The following CELF2 variants were observed in gnomAD, a reference collection of about 807,000 sequenced individuals.
CELF2 encodes CUG triplet repeat RNA-binding protein 2.
Under a neutral mutation model 62.6 loss-of-function variants are expected in CELF2, and 8 were observed. The observed-to-expected ratio is 0.13, with a 90% CI of 0.07 to 0.23. The LOEUF is 0.23. Ranked by LOEUF, CELF2 falls within the 10% of genes least tolerant of loss-of-function variation. CELF2 has a pLI of 1.00. For missense variants in CELF2, 333 were observed against 671.0 expected (o/e 0.50, Z 5.56); for synonymous variants, 258 against 250.0 (o/e 1.03, Z -0.30).
At chr10:11,326,277 G>A (rs2095719257) in intron 12 of CELF2, among the ~76,000 whole-genome samples, 2 of 152,240 alleles carry the variant, frequency 1.3e-5, no homozygotes, top group South Asian at 2.1e-4. Flanking sequence ...TTCAGACACC[G>A]TGGTTGTGGG....
the CELF2 span, among the ~76,000 whole-genome samples, chr10:10,614,254 A>G: frequency 6.6e-6 from 1 of 151,974 alleles, no homozygotes; most frequent in East Asian, 1.9e-4. Context: ...CATTTTTATT[A>G]CGCTCTTACA....
chr10:11,215,346 G>A (rs2063049449), intron 2 of CELF2, among the ~76,000 whole-genome samples: 1 of 152,130 alleles, frequency 6.6e-6, no homozygotes, highest in Non-Finnish European at 1.5e-5. Flanking sequence ...GTTCCTTGTC[G>A]CTTTTATCTT....
the CELF2 span, among the ~76,000 whole-genome samples, chr10:10,763,579 A>G: frequency 1.3e-5 from 2 of 152,230 alleles, no homozygotes; most frequent in African/African-American, 4.8e-5. Context: ...AGAAAATGGA[A>G]GGTGAAACCA....
chr10:11,128,279 TG>T (rs1416301846), intron 1 of CELF2, among the ~76,000 whole-genome samples: 6 of 152,232 alleles, frequency 3.9e-5, no homozygotes, highest in Non-Finnish European at 7.3e-5. Context: ...TTTTGATTAC[TG>T]TAGCCTTGTA....
At chr10:10,667,708 G>A in the CELF2 span, among the ~76,000 whole-genome samples, 14 of 152,134 alleles carry the variant, frequency 9.2e-5, no homozygotes, top group Non-Finnish European at 2.9e-5. Context: ...ACAAATACCA[G>A]TCCCCAATCC....
At chr10:11,320,009 C>A in intron 10 of CELF2, 1 of 367,076 alleles carries the variant, frequency 2.7e-6, no homozygotes, top group Non-Finnish European at 5.5e-6. Flanking sequence ...GCCATCCTTG[C>A]TGTTTTCATA....
chr10:10,607,156 C>T, the CELF2 span, among the ~76,000 whole-genome samples: 1 of 152,292 alleles, frequency 6.6e-6, no homozygotes, highest in South Asian at 2.1e-4. Flanking sequence ...CTCAGTAATA[C>T]TCCTAACACT....
chr10:10,550,685 TTC>T, the CELF2 span, among the ~76,000 whole-genome samples: 5 of 151,970 alleles, frequency 3.3e-5, no homozygotes, highest in African/African-American at 1.2e-4. Flanking sequence ...GGATCCTGGA[TTC>T]TGTCATGTGA....
the CELF2 span, among the ~76,000 whole-genome samples, chr10:10,485,846 G>A: frequency 1.3e-5 from 2 of 152,230 alleles, no homozygotes; most frequent in South Asian, 2.1e-4. Context: ...AGGATAAATC[G>A]AAAGCTTACT....
chr10:10,778,906 T>C, the CELF2 span, among the ~76,000 whole-genome samples: 3 of 152,276 alleles, frequency 2.0e-5, no homozygotes, highest in Admixed American at 6.5e-5. Context: ...CATTTGAACT[T>C]AGATGTGGAG....
the CELF2 span, among the ~76,000 whole-genome samples, chr10:10,495,401 C>A: frequency 6.6e-6 from 1 of 152,184 alleles, no homozygotes; most frequent in Non-Finnish European, 1.5e-5. Context: ...TGTATGTGGA[C>A]AGAAGAATGG....
chr10:11,320,684 A>ACCATTTCC, intron 10 of CELF2, among the ~76,000 whole-genome samples: 1 of 152,138 alleles, frequency 6.6e-6, no homozygotes, highest in East Asian at 1.9e-4. Context: ...TGTCCTCTCC[A>ACCATTTCC]CCATTTCCTC....
chr10:10,728,554 G>T, the CELF2 span, among the ~76,000 whole-genome samples: 1 of 152,074 alleles, frequency 6.6e-6, no homozygotes, highest in Non-Finnish European at 1.5e-5. Context: ...TGTGCCAGCT[G>T]CTCTGGAGGT....
At chr10:10,738,679 C>A in the CELF2 span, among the ~76,000 whole-genome samples, 2 of 152,124 alleles carry the variant, frequency 1.3e-5, no homozygotes, top group Non-Finnish European at 2.9e-5. Flanking sequence ...CAATAGAGGG[C>A]CATCCTACAA....
chr10:10,843,258 TG>T (rs1435576819), intron 1 of CELF2, among the ~76,000 whole-genome samples: 1 of 152,018 alleles, frequency 6.6e-6, no homozygotes, highest in Non-Finnish European at 1.5e-5. Context: ...ACTGGCTTTT[TG>T]TTTTATTGAT....
chr10:11,264,063 A>G (rs146780487), intron 5 of CELF2, among the ~76,000 whole-genome samples: 1 of 152,348 alleles, frequency 6.6e-6, no homozygotes, highest in East Asian at 1.9e-4. Context: ...ACCACTGCCA[A>G]TAGAATTAAA....
the CELF2 span, among the ~76,000 whole-genome samples, chr10:10,695,420 C>G: frequency 1.3e-5 from 2 of 149,514 alleles, no homozygotes; most frequent in Non-Finnish European, 3.0e-5. Context: ...CCCGACCTTT[C>G]TCTCTGGCTG....
At chr10:11,003,505 T>TTTAA (rs1481334986), upstream of CELF2, among the ~76,000 whole-genome samples, 1 of 152,218 alleles carries the variant, frequency 6.6e-6, no homozygotes, top group Non-Finnish European at 1.5e-5. This position sits in a 1 kb window ranked among gnomAD's most constrained non-coding sequence, Gnocchi z 4.4. Context: ...TTATCCCATT[T>TTTAA]TTAATAATAT....
intron 9 of CELF2, among the ~76,000 whole-genome samples, chr10:11,301,073 C>T (rs1439994189): frequency 2.0e-5 from 3 of 152,240 alleles, no homozygotes; most frequent in South Asian, 2.1e-4. Context: ...ACAGACTTAA[C>T]GCTAGACATG....
Sources: gnomAD v4.1 joint callset for allele counts (sites outside exome capture counted in the v4.1 genomes callset) on GRCh38, gnomAD v4.1.1 for gene constraint, Gnocchi (gnomAD v3.1) non-coding constraint, MANE v1.5 for transcripts, NCBI Gene and HGNC (gene_info 2026-07-23, HGNC 2026-07-21) for gene names.